TRIO: variants seen among roughly 807,000 people sequenced by gnomAD.
TRIO encodes the protein trio Rho guanine nucleotide exchange factor.
Under a neutral mutation model 351.9 loss-of-function variants are expected in TRIO, and 58 were observed. The ratio of observed to expected loss-of-function variants is 0.16; its 90% CI spans 0.13 to 0.21. The LOEUF (loss-of-function observed/expected upper bound fraction) is 0.21. TRIO is among the 10% of genes least tolerant of loss of function. The probability of loss-of-function intolerance (pLI) is 1.00; values close to 1 mark genes in which losing one functional copy is unlikely to be tolerated. For synonymous variants in TRIO, 1,758 were observed against 1,595.7 expected, an observed-to-expected ratio of 1.10 and a Z score of -2.42; for missense variants, 3,201 against 4,027.8, an observed-to-expected ratio of 0.79 and a Z score of 5.56.
chr5:14,257,456 C>T (rs572796439), intron 1 of TRIO, among the ~76,000 whole-genome samples: 5 of 152,142 alleles, frequency 3.3e-5, no homozygotes, highest in African/African-American at 9.6e-5. Context: ...ATTTTGCTCA[C>T]GTGGTTTTTT....
chr5:14,308,369 C>CTAT (rs1561320016), intron 8 of TRIO, among the ~76,000 whole-genome samples: 4 of 139,624 alleles, frequency 2.9e-5, no homozygotes, highest in African/African-American at 1.0e-4. Context: ...ACCACCCATT[C>CTAT]ATCTGTCCAT....
At position 14,461,174 on chromosome 5, in the gene TRIO, G is replaced by A. The variant is rs372071741; in HGVS notation, c.5359G>A (p.Gly1787Ser). ...CAGCCCCGTGCGGCGGCTCAGCAGC[G>A]GCAAGGCCGACGGGCACGTGAAGAA... is the stretch of plus-strand genomic sequence containing the variant. ...LTSPVRRLSS[G>S]KADGHVKKLA... Residue 1787 changes from glycine to serine, a missense_variant, in exon 35 of 57, where the codon GGC becomes AGC. Around this residue, in one of 19 missense-constraint regions of TRIO, gnomAD observed 193 missense variants for 218.8 expected, o/e 0.88. Transcript: ENST00000344204. The A allele has an allele frequency of 1.9e-6, 3 of 1,558,866 alleles. No homozygotes were observed. Among genetic ancestry groups the A allele is most frequent in the South Asian group, 1.2e-5 (1 of 84,866 alleles).
intron 8 of TRIO, among the ~76,000 whole-genome samples, chr5:14,310,370 C>T (rs1397927450): frequency 3.3e-5 from 5 of 152,356 alleles, no homozygotes; most frequent in Middle Eastern, 3.4e-3. Context: ...ACAAGCAAGG[C>T]GAAGTGCCAT....
intron 34 of TRIO, among the ~76,000 whole-genome samples, chr5:14,429,882 T>C (rs28018): frequency 0.73 from 111,526 of 152,030 alleles, 41,906 homozygotes; most frequent in East Asian, 0.9. Context: ...CATGTTTTGC[T>C]CCTGGCTTTT....
intron 1 of TRIO, among the ~76,000 whole-genome samples, chr5:14,177,645 C>T (rs544673388): frequency 2.0e-5 from 3 of 152,340 alleles, no homozygotes; most frequent in Non-Finnish European, 1.5e-5. Flanking sequence ...TTCCATCCCT[C>T]GCTGGGTCCC....
chr5:14,291,407 G>A (rs953099848), intron 5 of TRIO, among the ~76,000 whole-genome samples, 179 bp downstream of exon 5: 7 of 151,916 alleles, frequency 4.6e-5, no homozygotes, highest in African/African-American at 1.7e-4. Flanking sequence ...TTTACTCGTT[G>A]TGCAATACAG....
At position 14,488,036 on chromosome 5, in the gene TRIO, A is replaced by G; in HGVS notation, c.7408A>G (p.Lys2470Glu). The part of the protein sequence containing the change: ...PLSSAVPSLG[K>E]EPFPPSSPLQ... ...CTCCAGCGCGGTCCCTTCTCTCGGC[A>G]AGGAGCCCTTCCCCCCCAGCAGCCC... Residue 2470 changes from lysine to glutamate, a missense_variant, in exon 48 of 57, where the codon AAG becomes GAG. By Grantham distance (56) the Lys-to-Glu change is moderately conservative (BLOSUM62 1). This residue lies in a region of TRIO where 1,089 missense variants were observed against 954.9 expected (regional missense o/e 1.14). Transcript: ENST00000344204. The G allele has an allele frequency of 6.2e-7, 1 of 1,605,882 alleles. No individual in the cohort carries two copies. Among genetic ancestry groups the G allele is most frequent in the South Asian group, 1.1e-5 (1 of 89,904 alleles).
intron 30 of TRIO, 93 bp from the exon 31 acceptor site, chr5:14,400,870 C>T (rs1024454091): frequency 9.6e-6 from 11 of 1,150,718 alleles, no homozygotes; most frequent in Non-Finnish European, 1.1e-5. Context: ...CCTAACATGG[C>T]CACAAGTAAC....
chr5:14,245,907 A>G (rs763788737), intron 1 of TRIO, among the ~76,000 whole-genome samples: 1 of 152,228 alleles, frequency 6.6e-6, no homozygotes, highest in Non-Finnish European at 1.5e-5. Flanking sequence ...TTAGAAGCCT[A>G]TTAGGGTGTT....
intron 53 of TRIO, among the ~76,000 whole-genome samples, 186 bp from the exon 54 acceptor site, chr5:14,502,393 C>T (rs1312610616): frequency 6.6e-6 from 1 of 152,218 alleles, no homozygotes; most frequent in African/African-American, 2.4e-5. Context: ...TTGCATTCTT[C>T]CTTCACACTA....
chr5:14,189,029 G>A (rs1318907242), intron 1 of TRIO, among the ~76,000 whole-genome samples: 3 of 152,204 alleles, frequency 2.0e-5, no homozygotes, highest in East Asian at 1.9e-4. Flanking sequence ...TACCACAGAT[G>A]TTACAGGTTT....
At chr5:14,280,967 C>A (rs1295957729) in intron 3 of TRIO, among the ~76,000 whole-genome samples, 1 of 152,250 alleles carries the variant, frequency 6.6e-6, no homozygotes, top group East Asian at 1.9e-4. Context: ...CCAAAGAACA[C>A]CAAGAGCAAG....
intron 11 of TRIO, among the ~76,000 whole-genome samples, chr5:14,355,001 C>G (rs908037016): frequency 3.9e-5 from 6 of 152,134 alleles, no homozygotes; most frequent in African/African-American, 1.4e-4. Context: ...TGCACAGCAC[C>G]GCTTTTTCAT....
intron 2 of TRIO, among the ~76,000 whole-genome samples, chr5:14,277,539 C>T (rs1735642022): frequency 6.6e-6 from 1 of 152,196 alleles, no homozygotes; most frequent in Non-Finnish European, 1.5e-5. Context: ...TCTGTCCCGC[C>T]TGCCTCACCA....
intron 8 of TRIO, among the ~76,000 whole-genome samples, chr5:14,309,455 G>A (rs1241926395): frequency 6.6e-6 from 1 of 152,196 alleles, no homozygotes; most frequent in African/African-American, 2.4e-5. Context: ...GAAGGTGTCA[G>A]GAAGATGGGA....
At chr5:14,493,775 C>G (rs79837431) in intron 49 of TRIO, among the ~76,000 whole-genome samples, 1 of 152,152 alleles carries the variant, frequency 6.6e-6, no homozygotes, top group Non-Finnish European at 1.5e-5. Context: ...CCTCTCGCAC[C>G]GAACAGTTAG....
At position 14,367,827 on chromosome 5, in the gene TRIO, C is replaced by T. The variant is rs181107342; in HGVS notation, c.2874+848C>T. Among the ~76,000 whole-genome samples, 8 of 152,258 alleles carry T rather than the reference C, an allele frequency of 5.3e-5. No individual in the cohort carries two copies. The East Asian group carries it at 1.5e-3, about 29-fold the overall frequency. On this transcript the variant is annotated intron_variant, in intron 16 of 56. Coordinates refer to ENST00000344204, the MANE Select transcript of TRIO (RefSeq NM_007118.4). ...GGTGCCATTGGACATGCATTAACAC[C>T]TCTTCCTGAGGTGCAAACTCTGGGC...
At chr5:14,485,440 T>C (rs1755847735) in intron 47 of TRIO, among the ~76,000 whole-genome samples, 194 bp downstream of exon 47, 1 of 152,216 alleles carries the variant, frequency 6.6e-6, no homozygotes, top group Non-Finnish European at 1.5e-5. Flanking sequence ...ATTCCTGCTT[T>C]ACAGATGAGA....
At chr5:14,304,645 G>A (rs1292763577) in intron 8 of TRIO, 53 bp downstream of exon 8, 9 of 1,561,366 alleles carry the variant, frequency 5.8e-6, no homozygotes, top group Non-Finnish European at 6.9e-6. Context: ...TTGCATCATA[G>A]TACACCGGAA....
Sources: gnomAD v4.1 joint callset for allele counts (sites outside exome capture counted in the v4.1 genomes callset) on GRCh38, gnomAD v4.1.1 for gene constraint, gnomAD v4.1.1 regional missense constraint, MANE v1.5 for transcripts, NCBI Gene and HGNC (gene_info 2026-07-23, HGNC 2026-07-21) for gene names.